GXYLT2: variants seen among roughly 807,000 people sequenced by gnomAD.
GXYLT2 encodes the protein glucoside xylosyltransferase 2, also known as glycosyltransferase 8 domain containing 4.
A neutral mutation model predicts 45.8 loss-of-function variants in GXYLT2; 53 were observed. The observed-to-expected ratio is 1.16, with a 90% CI of 0.93 to 1.46. The LOEUF (loss-of-function observed/expected upper bound fraction) is 1.46, where lower values mean the gene tolerates loss of function less well. Among genes scored for constraint, GXYLT2 ranks in the 40% most tolerant of loss-of-function variants. The pLI is 0.00. For missense variants in GXYLT2, 551 were observed against 544.4 expected (o/e 1.01, Z -0.12); for synonymous variants, 219 against 214.2 (o/e 1.02, Z -0.19).
intron 2 of GXYLT2, among the ~76,000 whole-genome samples, chr3:72,918,407 T>G (rs927582874): frequency 6.6e-6 from 1 of 152,192 alleles, no homozygotes; most frequent in African/African-American, 2.4e-5. Flanking sequence ...TTGTTTCTAA[T>G]TTTTCATTGT....
intron 2 of GXYLT2, among the ~76,000 whole-genome samples, chr3:72,912,956 G>C (rs1294147413): frequency 6.6e-6 from 1 of 151,932 alleles, no homozygotes; most frequent in African/African-American, 2.4e-5. Flanking sequence ...ATTGCAGATA[G>C]TTGTGAAGTT....
chr3:72,912,009 A>ATTTT (rs1335193184), intron 2 of GXYLT2, among the ~76,000 whole-genome samples: 17 of 121,972 alleles, frequency 1.4e-4, no homozygotes, highest in African/African-American at 7.7e-4. Context: ...ATATATATAT[A>ATTTT]TATATTTTTT....
At chr3:72,905,302 G>A (rs1709491144) in intron 1 of GXYLT2, among the ~76,000 whole-genome samples, 1 of 151,978 alleles carries the variant, frequency 6.6e-6, no homozygotes, top group Non-Finnish European at 1.5e-5. Context: ...ATTTTTAGTA[G>A]AGACGAGGTT....
Position 72,972,901 on chromosome 3 carries a change from T to A in GXYLT2, c.1150-2076T>A, listed in dbSNP as rs75257649. Among the ~76,000 whole-genome samples the A allele has an allele frequency of 6.4e-3, 975 of 152,052 alleles. 7 individuals are homozygous for A. Among genetic ancestry groups the A allele is most frequent in the African/African-American group, 0.023 (943 of 41,476 alleles). ...ACAGTGAGCTAGGATGGCCCCACTG[T>A]ACTCCAGCCAGAGCAAGACTTTGCC... On this transcript the variant is annotated intron_variant, in intron 6 of 6. Coordinates refer to ENST00000389617, the MANE Select transcript of GXYLT2 (RefSeq NM_001080393.2).
intron 3 of GXYLT2, among the ~76,000 whole-genome samples, chr3:72,944,533 C>T (rs913173133): frequency 2.0e-5 from 3 of 152,002 alleles, no homozygotes; most frequent in Non-Finnish European, 4.4e-5. Context: ...GGGAGTACAC[C>T]GCACCCGGCC....
intron 3 of GXYLT2, among the ~76,000 whole-genome samples, chr3:72,933,417 A>G (rs1053635943): frequency 1.3e-5 from 2 of 152,206 alleles, no homozygotes; most frequent in Admixed American, 6.5e-5. Flanking sequence ...ACAACTGAAG[A>G]GTCATTATAT....
Position 72,893,412 on chromosome 3 carries a change from C to T in GXYLT2, c.275+4904C>T, listed in dbSNP as rs972867399. ...TCAGGACTATGCTCAAATGTTTTCT[C>T]CTGAGAGGGGTCCTGCTAGCCGCTC... On this transcript the variant is annotated intron_variant, in intron 1 of 6. Coordinates refer to ENST00000389617, the MANE Select transcript of GXYLT2 (RefSeq NM_001080393.2). Among the ~76,000 whole-genome samples the T allele has an allele frequency of 8.5e-5, 13 of 152,324 alleles. 1 individual carries two copies. The highest frequency in any genetic ancestry group is 3.1e-4 in the African/African-American group (13 of 41,574).
intron 6 of GXYLT2, among the ~76,000 whole-genome samples, chr3:72,972,283 T>C (rs1710999848): frequency 6.6e-6 from 1 of 152,130 alleles, no homozygotes; most frequent in African/African-American, 2.4e-5. Flanking sequence ...ATCTATTTTA[T>C]GCAGGAACAA....
intron 3 of GXYLT2, among the ~76,000 whole-genome samples, chr3:72,939,135 T>C (rs1157739670): frequency 6.6e-6 from 1 of 152,220 alleles, no homozygotes; most frequent in Non-Finnish European, 1.5e-5. Context: ...TTTAACAAAA[T>C]GAGCAATCTT....
intron 5 of GXYLT2, among the ~76,000 whole-genome samples, chr3:72,961,364 A>G (rs906987810): frequency 6.6e-6 from 1 of 152,158 alleles, no homozygotes; most frequent in Non-Finnish European, 1.5e-5. Flanking sequence ...GAGGGCAGAT[A>G]CTGTAAGAGG....
intron 5 of GXYLT2, among the ~76,000 whole-genome samples, chr3:72,960,521 A>G (rs1710747533): frequency 6.6e-6 from 1 of 152,240 alleles, no homozygotes; most frequent in Non-Finnish European, 1.5e-5. Flanking sequence ...GTAAAACAGG[A>G]TATTGGAAAA....
chr3:72,973,246 G>C (rs1711030373), intron 6 of GXYLT2, among the ~76,000 whole-genome samples: 1 of 152,190 alleles, frequency 6.6e-6, no homozygotes, highest in African/African-American at 2.4e-5. Flanking sequence ...GTAAGTCCTA[G>C]ACTTATCAGA....
chr3:72,952,432 G>C (rs944045873), intron 3 of GXYLT2, among the ~76,000 whole-genome samples: 2 of 152,010 alleles, frequency 1.3e-5, no homozygotes, highest in Admixed American at 1.3e-4. Context: ...TAATTCTGTG[G>C]GCTTCAGAAT....
intron 6 of GXYLT2, 67 bp downstream of exon 6, chr3:72,967,786 C>A: frequency 7.1e-7 from 1 of 1,408,264 alleles, no homozygotes; most frequent in South Asian, 1.2e-5. Context: ...GCGCTTTAGT[C>A]ACCTGTCCCT....
chr3:72,943,907 C>T (rs1710349586), intron 3 of GXYLT2, among the ~76,000 whole-genome samples: 1 of 151,410 alleles, frequency 6.6e-6, no homozygotes, highest in African/African-American at 2.4e-5. Flanking sequence ...TAGTCTCAAA[C>T]TCCTGGGCTC....
At chr3:72,913,392 G>A (rs894767910) in intron 2 of GXYLT2, among the ~76,000 whole-genome samples, 3 of 151,936 alleles carry the variant, frequency 2.0e-5, no homozygotes, top group African/African-American at 7.2e-5. Flanking sequence ...AATTATGACA[G>A]GGTGTTAAAA....
At chr3:72,913,000 C>T (rs1024085201) in intron 2 of GXYLT2, among the ~76,000 whole-genome samples, 3 of 151,540 alleles carry the variant, frequency 2.0e-5, no homozygotes, top group African/African-American at 7.3e-5. Context: ...ATGACTTTAT[C>T]CCTTTGATGG....
At chr3:72,900,133 G>A (rs1709375325) in intron 1 of GXYLT2, among the ~76,000 whole-genome samples, 1 of 152,140 alleles carries the variant, frequency 6.6e-6, no homozygotes, top group South Asian at 2.1e-4. Context: ...GTGTTTTGCA[G>A]TAATAGGCTA....
intron 3 of GXYLT2, among the ~76,000 whole-genome samples, chr3:72,925,541 G>A (rs918455501): frequency 5.3e-5 from 8 of 152,106 alleles, no homozygotes; most frequent in African/African-American, 1.9e-4. Context: ...CAATTGACAC[G>A]AAAATCTCTA....
Sources: gnomAD v4.1 joint callset for allele counts (sites outside exome capture counted in the v4.1 genomes callset) on GRCh38, gnomAD v4.1.1 for gene constraint, MANE v1.5 for transcripts, NCBI Gene and HGNC (gene_info 2026-07-23, HGNC 2026-07-21) for gene names.